The following TTC3 variants were observed in gnomAD, a reference collection of about 807,000 sequenced individuals.
TTC3 encodes E3 ubiquitin-protein ligase TTC3.
TTC3 carries 180 observed loss-of-function variants against 249.6 expected under a neutral mutation model. The ratio of observed to expected loss-of-function variants is 0.72; its 90% CI spans 0.64 to 0.82. The LOEUF (loss-of-function observed/expected upper bound fraction) is 0.82. Among genes scored for constraint, TTC3 ranks in the 40% least tolerant of loss-of-function variants. The probability of loss-of-function intolerance (pLI) is 0.00; values close to 1 mark genes in which losing one functional copy is unlikely to be tolerated. For synonymous variants in TTC3, 717 were observed against 805.0 expected (o/e 0.89, Z 1.85); for missense variants, 2,061 against 2,398.4 (o/e 0.86, Z 2.94).
At position 37,166,007 on chromosome 21, in the gene TTC3, G is replaced by T. The variant is rs376759575; in HGVS notation, c.3793G>T (p.Val1265Phe). ...AGTATCCGACAATTCTTCTAGACAA[G>T]TTTCTGAGGATGGGCAACCCAAAGG... is the stretch of plus-strand genomic sequence containing the variant. Residue 1265 changes from valine (V) to phenylalanine (F), a missense_variant, in exon 33 of 46, where the codon GTT (valine) becomes TTT (phenylalanine). This residue lies in a region of TTC3 where 1,040 missense variants were observed against 1,186.1 expected (regional missense o/e 0.88). Coordinates refer to ENST00000355666, the Ensembl canonical transcript of TTC3. 44 of 1,614,032 alleles carry T rather than the reference G, an allele frequency of 2.7e-5. No individual in the cohort carries two copies. Among genetic ancestry groups the T allele is most frequent in the Non-Finnish European group, 3.5e-5 (41 of 1,180,026 alleles).
At chr21:37,093,589 A>G (rs993948155) in intron 7 of TTC3, among the ~76,000 whole-genome samples, 1 of 152,078 alleles carries the variant, frequency 6.6e-6, no homozygotes. Flanking sequence ...TTTTGTTTTC[A>G]TGCATTTTTA....
At position 37,090,983 on chromosome 21, in the gene TTC3, G is replaced by A. The variant is rs1032720778; in HGVS notation, c.481-310G>A. Among the ~76,000 whole-genome samples, 3 of 152,172 alleles carry A rather than the reference G, an allele frequency of 2.0e-5. No homozygotes were observed. The South Asian group carries it at 6.2e-4, about 32-fold the overall frequency. On this transcript the variant is annotated intron_variant, in intron 6 of 45. Coordinates refer to ENST00000355666, the Ensembl canonical transcript of TTC3. ...CCACCTTGTTATATTGCACTTGCCTGCTACCCCAGGCAGTCTGGCCAGGTT... is the reference window on the plus strand; with the variant it reads ...CCACCTTGTTATATTGCACTTGCCTACTACCCCAGGCAGTCTGGCCAGGTT...
chr21:37,109,667 C>G (rs1019206338), intron 11 of TTC3, among the ~76,000 whole-genome samples: 3 of 152,246 alleles, frequency 2.0e-5, no homozygotes, highest in Non-Finnish European at 4.4e-5. Flanking sequence ...ACAGCAATAA[C>G]CTCTGCAGAC....
At chr21:37,096,298 A>G (rs1050496884) in intron 9 of TTC3, among the ~76,000 whole-genome samples, 7 of 152,180 alleles carry the variant, frequency 4.6e-5, no homozygotes, top group African/African-American at 1.7e-4. Context: ...TAGCTCTTTA[A>G]TATGTCTCGT....
At chr21:37,093,871 G>A in intron 7 of TTC3, 134 bp from the exon 8 acceptor site, 1 of 530,940 alleles carries the variant, frequency 1.9e-6, no homozygotes, top group Non-Finnish European at 3.4e-6. Flanking sequence ...CAAGAAACAT[G>A]TGCTATTTAG....
chr21:37,076,103 T>A (rs915347445), intron 1 of TTC3, among the ~76,000 whole-genome samples: 18 of 152,224 alleles, frequency 1.2e-4, no homozygotes, highest in African/African-American at 4.3e-4. Context: ...TTATGCCTTG[T>A]TTTTAAAAAT....
At position 37,160,911 on chromosome 21, in the gene TTC3, T is replaced by C. The variant is rs368882438; in HGVS notation, c.3096+53T>C. On this transcript the variant is annotated intron_variant, in intron 30 of 45. Transcript: ENST00000355666. ...TGTCTAAACTCTCCAAAATAGTTAG[T>C]TGGACATATACATTAGAATTGAGCA... 6.9e-5 allele frequency: 107 copies of C among 1,547,872 alleles called. 1 individual carries two copies. The African/African-American group carries it at 1.4e-3, about 21-fold the overall frequency.
exon 12 of TTC3, chr21:37,121,876 A>T (rs749729453): frequency 3.1e-6 from 5 of 1,613,046 alleles, no homozygotes; most frequent in Non-Finnish European, 4.2e-6. Flanking sequence ...GGGCCCTGCA[A>T]GCAAACATAA....
intron 18 of TTC3, among the ~76,000 whole-genome samples, chr21:37,137,030 A>G (rs557115738): frequency 6.6e-6 from 1 of 152,328 alleles, no homozygotes; most frequent in Admixed American, 6.5e-5. Context: ...TGGTTTACTA[A>G]GTACTTTAAG....
chr21:37,113,438 G>C (rs2147825287), intron 11 of TTC3, among the ~76,000 whole-genome samples: 1 of 152,280 alleles, frequency 6.6e-6, no homozygotes, highest in East Asian at 1.9e-4. Context: ...ATTCGCTATT[G>C]CTTCAAAGAG....
At chr21:37,090,587 CT>C in intron 6 of TTC3, 1 of 929,374 alleles carries the variant, frequency 1.1e-6, no homozygotes, top group Middle Eastern at 5.5e-4. Flanking sequence ...TATTAGGCCT[CT>C]GGTATGAATA....
intron 41 of TTC3, chr21:37,195,005 G>A (rs927449735): frequency 5.2e-5 from 8 of 152,406 alleles, no homozygotes; most frequent in Admixed American, 3.9e-4. Context: ...ATGTGTCCAC[G>A]TGGGAGTTGA....
chr21:37,143,028 A>C (rs1294649299), intron 20 of TTC3, among the ~76,000 whole-genome samples: 1 of 152,240 alleles, frequency 6.6e-6, no homozygotes, highest in African/African-American at 2.4e-5. Flanking sequence ...GGTGCTGGGA[A>C]AACTGGCTAG....
At chr21:37,146,245 A>G (rs921767132) in intron 21 of TTC3, among the ~76,000 whole-genome samples, 1 of 151,936 alleles carries the variant, frequency 6.6e-6, no homozygotes, top group Non-Finnish European at 1.5e-5. Context: ...TCAAAAACAA[A>G]TGGCCAGTCT....
intron 22 of TTC3, 110 bp from the exon 23 acceptor site, chr21:37,148,436 G>A: frequency 1.9e-6 from 1 of 519,550 alleles, no homozygotes. Flanking sequence ...ACTTTATGCT[G>A]TGGAAATAAA....
At chr21:37,176,406 T>C (rs1439646826) in intron 35 of TTC3, among the ~76,000 whole-genome samples, 3 of 152,206 alleles carry the variant, frequency 2.0e-5, no homozygotes, top group Non-Finnish European at 4.4e-5. Context: ...TTAAGGTGCT[T>C]TAATGAGATG....
intron 1 of TTC3, among the ~76,000 whole-genome samples, chr21:37,074,965 A>G (rs921600159): frequency 2.0e-5 from 3 of 152,214 alleles, no homozygotes; most frequent in African/African-American, 7.2e-5. Flanking sequence ...TTTACTTCAG[A>G]TACTCTTTTT....
chr21:37,166,601 A>T, exon 33 of TTC3: 1 of 1,611,772 alleles, frequency 6.2e-7, no homozygotes, highest in African/African-American at 1.3e-5. Flanking sequence ...ACACGTGCAG[A>T]TGGTTGCCAT....
intron 34 of TTC3, among the ~76,000 whole-genome samples, chr21:37,168,207 C>G (rs527256484): frequency 8.5e-5 from 13 of 152,206 alleles, no homozygotes; most frequent in African/African-American, 3.1e-4. Context: ...TCTCAACATG[C>G]TAATATTTTA....
Sources: gnomAD v4.1 joint callset for allele counts (sites outside exome capture counted in the v4.1 genomes callset) on GRCh38, gnomAD v4.1.1 for gene constraint, gnomAD v4.1.1 regional missense constraint, MANE v1.5 for transcripts, NCBI Gene and HGNC (gene_info 2026-07-23, HGNC 2026-07-21) for gene names.